Variants in ZNF112 observed in about 807,000 individuals in gnomAD.
ZNF112 encodes the protein zinc finger protein 112.
Under a neutral mutation model 77.7 loss-of-function variants are expected in ZNF112, and 37 were observed. The ratio of observed to expected loss-of-function variants is 0.48; its 90% CI spans 0.37 to 0.63. The LOEUF is 0.63. Ranked by LOEUF, ZNF112 falls within the 20% of genes least tolerant of loss-of-function variation. The pLI, the probability that ZNF112 is intolerant of heterozygous loss-of-function variation, is 0.00. For missense variants in ZNF112, 950 were observed against 1,077.4 expected (o/e 0.88, Z 1.66); for synonymous variants, 333 against 363.6 (o/e 0.92, Z 0.96).
chr19:44,351,559 T>C lies in ZNF112; in HGVS notation c.-4+5067A>G, dbSNP rs148467373. 4.0e-3 allele frequency among the ~76,000 whole-genome samples: 612 copies of C among 152,226 alleles called. 4 individuals are homozygous for C. Among genetic ancestry groups the C allele is most frequent in the African/African-American group, 0.014 (592 of 41,570 alleles). On this transcript the variant is annotated intron_variant, in intron 1 of 3. Coordinates refer to ENST00000354340, the MANE Select transcript of ZNF112 (RefSeq NM_013380.4). Reference sequence around the variant, plus strand: ...ATGACAAGGAATAGCAACCTTGAACTTCAATTAAGTTGTACTCAATCATTA... The same window carrying C: ...ATGACAAGGAATAGCAACCTTGAACCTCAATTAAGTTGTACTCAATCATTA...
chr19:44,346,034 C>T (rs569640267), intron 1 of ZNF112, among the ~76,000 whole-genome samples: 2 of 152,312 alleles, frequency 1.3e-5, no homozygotes, highest in African/African-American at 4.8e-5. Flanking sequence ...GCAATTTGCC[C>T]ACTCCCATCA....
At chr19:44,353,980 A>G (rs537149941) in intron 1 of ZNF112, among the ~76,000 whole-genome samples, 1 of 152,302 alleles carries the variant, frequency 6.6e-6, no homozygotes, top group Admixed American at 6.5e-5. Flanking sequence ...TCAACCAGAG[A>G]ATAGATAAAC....
intron 3 of ZNF112, among the ~76,000 whole-genome samples, chr19:44,335,925 T>G (rs1023534944): frequency 6.6e-6 from 1 of 152,192 alleles, no homozygotes. Context: ...CACATAAATG[T>G]CCAACTTGAA....
chr19:44,349,442 G>T (rs141096984), intron 1 of ZNF112, among the ~76,000 whole-genome samples: 6 of 151,984 alleles, frequency 3.9e-5, no homozygotes, highest in African/African-American at 1.4e-4. Context: ...GAATGAATTA[G>T]ATGGCAAAGC....
Position 44,367,036 on chromosome 19 carries a change from A to C in ZNF112, c.17+45T>G, listed in dbSNP as rs1187127913. On this transcript the variant is annotated intron_variant, in intron 1 of 4. Transcript: ENST00000588057. ...GCGCACAAAATACAAGAGATCCTCAACCCGCCAAGACCAAATGCTGCAAAC... is the reference window on the plus strand; with the variant it reads ...GCGCACAAAATACAAGAGATCCTCACCCCGCCAAGACCAAATGCTGCAAAC... The C allele has an allele frequency of 1.8e-5, 8 of 454,966 alleles. No homozygotes were observed. In the Admixed American group the frequency reaches 1.9e-4, roughly 11 times the overall value. The allele number at this position is 454,966 out of a possible 1,614,324, so 28.2% of individuals were successfully genotyped here.
chr19:44,337,366 T>TATATTTTATATATAAAATATATATA lies in ZNF112; in HGVS notation c.125-649_125-648insTATATATATTTTATATATAAAATAT. Among the ~76,000 whole-genome samples, 2 of 55,770 alleles carry TATATTTTATATATAAAATATATATA rather than the reference T, an allele frequency of 3.6e-5. 1 individual carries two copies. The highest frequency in any genetic ancestry group is 1.1e-3 in the South Asian group (2 of 1,866). The allele number at this position is 55,770 out of a possible 152,430, so 36.6% of individuals were successfully genotyped here. ...TGTATATGTGTAAAATATATATTAT[T>TATATTTTATATATAAAATATATATA]ATATATATTTTATATATAATAATAT... is the stretch of plus-strand genomic sequence containing the variant. On this transcript the variant is annotated intron_variant, in intron 2 of 3. Transcript: ENST00000354340.
chr19:44,343,066 T>C (rs1373623616), intron 1 of ZNF112, among the ~76,000 whole-genome samples: 1 of 151,972 alleles, frequency 6.6e-6, no homozygotes, highest in Non-Finnish European at 1.5e-5. Context: ...AAATAAATAA[T>C]AAAACACATT....
intron 2 of ZNF112, among the ~76,000 whole-genome samples, chr19:44,338,232 T>C (rs1970424816): frequency 6.6e-6 from 1 of 151,950 alleles, no homozygotes; most frequent in South Asian, 2.1e-4. Flanking sequence ...GCTTGAGAAG[T>C]GGGGGGCTCT....
At chr19:44,335,485 T>C (rs1441071812) in intron 3 of ZNF112, among the ~76,000 whole-genome samples, 2 of 152,166 alleles carry the variant, frequency 1.3e-5, no homozygotes, top group African/African-American at 4.8e-5. Flanking sequence ...CATGTTAGTA[T>C]AGGTAAAAAA....
At position 44,328,289 on chromosome 19, in the gene ZNF112, C is replaced by G. The variant is rs201549691; in HGVS notation, c.1868G>C (p.Arg623Thr). Residue 623 changes from arginine (R) to threonine (T), a missense_variant, in exon 4 of 4, where the codon AGA becomes ACA. Around this residue, in one of 3 missense-constraint regions of ZNF112, gnomAD observed 373 missense variants for 482.8 expected, o/e 0.77. Transcript: ENST00000354340. ...SRSSHLQGHQ[R>T]VHTGEKPFKC... is the part of the protein sequence containing the mutation. ...GAATGGTTTTTCTCCAGTGTGGACT[C>G]TCTGATGGCCTTGAAGGTGTGAACT... is the stretch of plus-strand genomic sequence containing the variant. 1.2e-4 allele frequency: 195 copies of G among 1,614,052 alleles called. 1 individual carries two copies. The highest frequency in any genetic ancestry group is 8.5e-7 in the Non-Finnish European group (1 of 1,180,014).
At position 44,327,823 on chromosome 19, in the gene ZNF112, C is replaced by CTT; in HGVS notation, c.2332_2333dup (p.Gly779ArgfsTer143). On this transcript the variant is annotated frameshift_variant, in exon 4 of 4. Transcript: ENST00000354340. LOFTEE classifies it high-confidence loss of function. The stretch of plus-strand genomic sequence containing the variant: ...GAAGGCGTGAACTCTCACTGAAACC[C>CTT]TTTGTACACACCTCACATTTGTATG... 1 of 1,613,986 alleles carries CTT rather than the reference C, an allele frequency of 6.2e-7. No homozygotes were observed. Among genetic ancestry groups the CTT allele is most frequent in the Admixed American group, 1.7e-5 (1 of 59,990 alleles).
intron 1 of ZNF112, among the ~76,000 whole-genome samples, chr19:44,350,250 C>G (rs929454970): frequency 6.6e-6 from 1 of 152,030 alleles, no homozygotes; most frequent in Non-Finnish European, 1.5e-5. Flanking sequence ...GCTATTGAAC[C>G]ACTAGTGGCA....
intron 1 of ZNF112, among the ~76,000 whole-genome samples, chr19:44,341,607 T>G (rs2722733): frequency 0.84 from 127,694 of 152,174 alleles, 54,108 homozygotes; most frequent in African/African-American, 0.96. Flanking sequence ...GTAAAAATCA[T>G]TTATTAAAAA....
chr19:44,359,315 CTTTTTTTTTTTTTTTTT>C (rs767955186), upstream of ZNF112, among the ~76,000 whole-genome samples: 4 of 54,834 alleles, frequency 7.3e-5, no homozygotes, highest in East Asian at 1.0e-3. Context: ...TATTAGAGTT[CTTTTTTTTTTTTTTTTT>C]TTTTTTTTTT....
upstream of ZNF112, among the ~76,000 whole-genome samples, chr19:44,359,315 CTTTTTTTTTTTTTTTTTTT>C (rs767955186): frequency 3.6e-5 from 2 of 54,834 alleles, no homozygotes; most frequent in African/African-American, 7.0e-5. Flanking sequence ...TATTAGAGTT[CTTTTTTTTTTTTTTTTTTT>C]TTTTTTTTTT....
intron 1 of ZNF112, among the ~76,000 whole-genome samples, chr19:44,350,334 C>T (rs1970669499): frequency 6.6e-6 from 1 of 151,980 alleles, no homozygotes; most frequent in South Asian, 2.1e-4. Context: ...CAGAAAAATT[C>T]TGACTTGCCC....
At chr19:44,358,439 A>G (rs746858976), upstream of ZNF112, among the ~76,000 whole-genome samples, 4 of 152,210 alleles carry the variant, frequency 2.6e-5, no homozygotes, top group Non-Finnish European at 5.9e-5. Context: ...AAAGGCATCA[A>G]AAGACAAGAT....
Position 44,329,671 on chromosome 19 carries a change from A to G in ZNF112, c.486T>C (p.Tyr162=). 3 of 1,614,126 alleles carry G rather than the reference A, an allele frequency of 1.9e-6. No individual in the cohort carries two copies. The highest frequency in any genetic ancestry group is 4.5e-5 in the East Asian group (2 of 44,882). ...IFTHIGNGSN[Y]IKSQGYPSWR... is the part of the protein sequence containing the mutation. ...AAGATGGATACCCTTGACTTTTTAT[A>G]TAATTGGAGCCATTCCCTATATGAG... is the stretch of plus-strand genomic sequence containing the variant. Residue 162 remains tyrosine, a synonymous_variant, in exon 4 of 4, where the codon TAT becomes TAC. Transcript: ENST00000354340.
At chr19:44,350,440 C>A (rs1282694480) in intron 1 of ZNF112, among the ~76,000 whole-genome samples, 4 of 151,990 alleles carry the variant, frequency 2.6e-5, no homozygotes, top group African/African-American at 7.2e-5. Flanking sequence ...TGAATAAGAA[C>A]TTCCCTCAAG....
Sources: gnomAD v4.1 joint callset for allele counts (sites outside exome capture counted in the v4.1 genomes callset) on GRCh38, gnomAD v4.1.1 for gene constraint, gnomAD v4.1.1 regional missense constraint, MANE v1.5 for transcripts, NCBI Gene and HGNC (gene_info 2026-07-23, HGNC 2026-07-21) for gene names.